ADAMTSL1: variants seen among roughly 807,000 people sequenced by gnomAD.
ADAMTSL1 encodes the protein ADAMTS-like protein 1.
Under a neutral mutation model 201.8 loss-of-function variants are expected in ADAMTSL1, and 126 were observed. The ratio of observed to expected loss-of-function variants is 0.62; its 90% confidence interval spans 0.54 to 0.72. The LOEUF is 0.72. Among genes scored for constraint, ADAMTSL1 ranks in the 30% least tolerant of loss-of-function variants. The pLI, the probability that ADAMTSL1 is intolerant of heterozygous loss-of-function variation, is 0.00. For synonymous variants in ADAMTSL1, 1,121 were observed against 903.4 expected (o/e 1.24, Z -4.32); for missense variants, 2,679 against 2,277.8 (o/e 1.18, Z -3.59).
intron 17 of ADAMTSL1, 62 bp from the exon 18 acceptor site, chr9:18,775,681 A>C: frequency 6.4e-7 from 1 of 1,565,746 alleles, no homozygotes; most frequent in Non-Finnish European, 8.7e-7. Flanking sequence ...TTGACAGTCT[A>C]TTAAAAAATT....
At chr9:18,212,238 G>A (rs1164256968) in intron 2 of ADAMTSL1, among the ~76,000 whole-genome samples, 2 of 152,122 alleles carry the variant, frequency 1.3e-5, no homozygotes, top group African/African-American at 4.8e-5. Flanking sequence ...GCTTTGGGTT[G>A]ATTGAACAGC....
At chr9:18,776,046 C>G in intron 18 of ADAMTSL1, 150 bp downstream of exon 18, 1 of 1,115,566 alleles carries the variant, frequency 9.0e-7, no homozygotes, top group African/African-American at 1.6e-5. Flanking sequence ...GAGAGCTCAG[C>G]TGGAGACGGA....
intron 27 of ADAMTSL1, 36 bp from the exon 28 acceptor site, chr9:18,906,656 G>T: frequency 6.7e-7 from 1 of 1,497,824 alleles, no homozygotes; most frequent in Non-Finnish European, 8.9e-7. Flanking sequence ...AGCCCCCACA[G>T]AAGCAAACCT....
intron 7 of ADAMTSL1, among the ~76,000 whole-genome samples, chr9:18,650,331 C>T (rs886315088): frequency 2.0e-5 from 3 of 152,202 alleles, no homozygotes; most frequent in African/African-American, 7.2e-5. Context: ...ACTCCCTGAC[C>T]CCTTGCACTT....
intron 1 of ADAMTSL1, among the ~76,000 whole-genome samples, chr9:18,106,059 G>C (rs1349007463): frequency 6.6e-6 from 1 of 152,082 alleles, no homozygotes; most frequent in African/African-American, 2.4e-5. Context: ...ACCTCCTTTC[G>C]TCCCTGGGAG....
intron 2 of ADAMTSL1, among the ~76,000 whole-genome samples, chr9:18,379,997 C>T (rs1837482674): frequency 6.6e-6 from 1 of 152,148 alleles, no homozygotes; most frequent in African/African-American, 2.4e-5. Context: ...TTGGGAGTAG[C>T]CAGGGGCTGT....
intron 1 of ADAMTSL1, among the ~76,000 whole-genome samples, chr9:18,155,266 T>G (rs1223614164): frequency 6.6e-6 from 1 of 152,088 alleles, no homozygotes; most frequent in Non-Finnish European, 1.5e-5. Context: ...CGACTTTGTA[T>G]GAAATTAAAT....
In ADAMTSL1 at chr9:18,908,602, C is replaced by T. The variant is rs574582531; in HGVS notation, c.*54C>T. 1.4e-4 allele frequency: 191 copies of T among 1,357,918 alleles called. No individual in the cohort carries two copies. Among genetic ancestry groups the T allele is most frequent in the Non-Finnish European group, 1.6e-4 (154 of 980,752 alleles). 84.1% of individuals were successfully genotyped at this position (1,357,918 alleles called of 1,614,324 possible). On this transcript the variant is annotated 3_prime_UTR_variant, in exon 29 of 29. Coordinates refer to ENST00000380548, the MANE Select transcript of ADAMTSL1 (RefSeq NM_001040272.6). ...TGGCCACACGAAGGACTCACGCAAC[C>T]ACCTCGGACAGAACCTAAGCTTTCT...
chr9:17,987,961 GA>G (rs1818994263), intron 1 of ADAMTSL1, among the ~76,000 whole-genome samples: 1 of 151,870 alleles, frequency 6.6e-6, no homozygotes, highest in African/African-American at 2.4e-5. Flanking sequence ...ATCTTTTTTT[GA>G]ATTACATGGG....
At chr9:18,431,076 A>G (rs1168395429) in intron 2 of ADAMTSL1, among the ~76,000 whole-genome samples, 1 of 152,208 alleles carries the variant, frequency 6.6e-6, no homozygotes, top group Non-Finnish European at 1.5e-5. Flanking sequence ...CAATGGTTAC[A>G]TGCCCTCTAC....
intron 14 of ADAMTSL1, among the ~76,000 whole-genome samples, chr9:18,714,146 A>C: frequency 6.6e-6 from 1 of 152,250 alleles, no homozygotes; most frequent in African/African-American, 2.4e-5. Flanking sequence ...AAGAGAAAGC[A>C]CAAAAGATCC....
chr9:18,210,807 G>A (rs1280785891), intron 2 of ADAMTSL1, among the ~76,000 whole-genome samples: 1 of 151,402 alleles, frequency 6.6e-6, no homozygotes, highest in African/African-American at 2.4e-5. Context: ...ATCTCCTGAT[G>A]CTCTTTTCTT....
At chr9:18,472,513 A>C (rs76026943), upstream of ADAMTSL1, among the ~76,000 whole-genome samples, 1 of 152,176 alleles carries the variant, frequency 6.6e-6, no homozygotes, top group Non-Finnish European at 1.5e-5. Context: ...TCCTAACAGC[A>C]TGAAAATAGG....
intron 9 of ADAMTSL1, among the ~76,000 whole-genome samples, chr9:18,675,560 T>G (rs1410640247): frequency 6.6e-6 from 1 of 152,150 alleles, no homozygotes; most frequent in East Asian, 1.9e-4. Context: ...TTTACAATCT[T>G]ATGGTGTCAT....
chr9:18,420,587 C>T (rs1818899109), intron 2 of ADAMTSL1, among the ~76,000 whole-genome samples: 1 of 152,092 alleles, frequency 6.6e-6, no homozygotes, highest in South Asian at 2.1e-4. Flanking sequence ...AGAGCTGTGC[C>T]CACTCACCTG....
chr9:18,712,195 C>T (rs1194620205), intron 14 of ADAMTSL1, among the ~76,000 whole-genome samples: 1 of 152,224 alleles, frequency 6.6e-6, no homozygotes, highest in Non-Finnish European at 1.5e-5. Flanking sequence ...GAGCGCCTCT[C>T]CTCCTCCAAA....
chr9:18,448,475 T>G lies in ADAMTSL1; in HGVS notation c.208-56354T>G, dbSNP rs944939057. 5.3e-5 allele frequency among the ~76,000 whole-genome samples: 8 copies of G among 152,308 alleles called. No homozygotes were observed. The East Asian group carries it at 1.5e-3, about 29-fold the overall frequency. ...GACCTACCTTTCCAAATTTTTACTT[T>G]TAAACCCCTAAAAGAATTTAGAAAA... is the stretch of plus-strand genomic sequence containing the variant. On this transcript the variant is annotated intron_variant, in intron 2 of 29. Coordinates refer to the ADAMTSL1 transcript ENST00000680146.
At chr9:18,487,065 C>T (rs978839854) in intron 1 of ADAMTSL1, among the ~76,000 whole-genome samples, 1 of 152,090 alleles carries the variant, frequency 6.6e-6, no homozygotes. Context: ...ATGTATCTGC[C>T]CTGATTAAAT....
chr9:17,943,577 A>G lies in ADAMTSL1; in HGVS notation c.87+36655A>G, dbSNP rs922357571. 2.0e-5 allele frequency among the ~76,000 whole-genome samples: 3 copies of G among 152,116 alleles called. No individual in the cohort carries two copies. The South Asian group carries it at 6.2e-4, about 32-fold the overall frequency. On this transcript the variant is annotated intron_variant, in intron 1 of 29. Coordinates refer to the ADAMTSL1 transcript ENST00000680146. ...TTGTTTTGTCTCTTTTCTACATGGT[A>G]TGAATAGCTTATGAGCTATGAATTT...
Sources: allele counts gnomAD v4.1 joint callset (sites outside exome capture counted in the v4.1 genomes callset), GRCh38; gene constraint gnomAD v4.1.1; transcripts MANE v1.5; gene names NCBI Gene and HGNC (gene_info 2026-07-23, HGNC 2026-07-21).